NPHS1: variants seen among roughly 807,000 people sequenced by gnomAD.
NPHS1 encodes the protein NPHS1 adhesion molecule, nephrin.
A neutral mutation model predicts 139.7 loss-of-function variants in NPHS1; 107 were observed. That is an observed-to-expected ratio of 0.77 (90% CI 0.66 to 0.90). The LOEUF (loss-of-function observed/expected upper bound fraction) is 0.90. Among genes scored for constraint, NPHS1 ranks in the 40% least tolerant of loss-of-function variants. The pLI, the probability that NPHS1 is intolerant of heterozygous loss-of-function variation, is 0.00. For synonymous variants in NPHS1, 707 were observed against 706.6 expected, an observed-to-expected ratio of 1.00 and a Z score of -0.01; for missense variants, 1,580 against 1,654.2, an observed-to-expected ratio of 0.96 and a Z score of 0.78.
chr19:35,826,793 T>C, intron 28 of NPHS1, 148 bp from the exon 29 acceptor site: 1 of 852,162 alleles, frequency 1.2e-6, no homozygotes, highest in East Asian at 2.6e-5. Context: ...AAAAGGAGTG[T>C]GATTATAATG....
chr19:35,845,391 G>C lies in NPHS1; in HGVS notation c.1907C>G (p.Ser636Cys). The C allele has an allele frequency of 6.2e-7, 1 of 1,614,266 alleles. No homozygotes were observed. Among genetic ancestry groups the C allele is most frequent in the Non-Finnish European group, 8.5e-7 (1 of 1,180,052 alleles). The change falls in exon 14 of 29, where the codon TCC (serine) becomes TGC (cysteine). Residue 636 changes from serine (S) to cysteine (C), a missense_variant. Ser to Cys is a moderately radical substitution (Grantham distance 112). Coordinates refer to ENST00000378910, the MANE Select transcript of NPHS1 (RefSeq NM_004646.4). The surrounding 1 kb of genome is among the most constrained non-coding windows in gnomAD (Gnocchi z 5.5). ...ACACAGTACGTTGAGGCGATAGAAG[G>C]AGCTCACGGTTTCGCGGAGCTCGGC... ...HSAELRETVSSFYRLNVLYRP... is the reference protein window; with the variant it reads ...HSAELRETVSCFYRLNVLYRP...
Position 35,843,458 on chromosome 19 carries a change from G to C in NPHS1, c.2334+14C>G. On this transcript the variant is annotated intron_variant, in intron 17 of 28. Coordinates refer to ENST00000378910, the MANE Select transcript of NPHS1 (RefSeq NM_004646.4). ...CTTGACCCCACCTCTATTCACCAAA[G>C]GCTGGATCCTCACCAGTCTCTCCCA... The C allele has an allele frequency of 1.9e-6, 3 of 1,613,916 alleles. No homozygotes were observed. Among genetic ancestry groups the C allele is most frequent in the Non-Finnish European group, 2.5e-6 (3 of 1,179,862 alleles).
chr19:35,831,091 T>TG lies in NPHS1; in HGVS notation c.3442dup (p.Gln1148ProfsTer18). ...CACCTCCTCCTGCGTCGGGGGCAGC[T>TG]GGGGGCTGAAGTCCCTCAGGGAGCG... On this transcript the variant is annotated frameshift_variant, in exon 27 of 29. Coordinates refer to ENST00000378910, the MANE Select transcript of NPHS1 (RefSeq NM_004646.4). LOFTEE classifies it high-confidence loss of function. The TG allele has an allele frequency of 6.2e-7, 1 of 1,614,130 alleles. No individual in the cohort carries two copies. The highest frequency in any genetic ancestry group is 8.5e-7 in the Non-Finnish European group (1 of 1,180,016).
intron 14 of NPHS1, 46 bp from the exon 15 acceptor site, chr19:35,844,505 G>C: frequency 6.5e-7 from 1 of 1,539,386 alleles, no homozygotes; most frequent in South Asian, 1.2e-5. Flanking sequence ...GTTAAGGTTA[G>C]GGTCAAGGAC....
intron 19 of NPHS1, 106 bp downstream of exon 19, chr19:35,842,018 T>C (rs1470841898): frequency 4.1e-5 from 59 of 1,424,004 alleles, no homozygotes; most frequent in Non-Finnish European, 4.4e-5. Flanking sequence ...ACTCACTCAT[T>C]CCTCCACCCA....
intron 17 of NPHS1, 147 bp downstream of exon 17, chr19:35,843,325 C>A: frequency 9.6e-7 from 1 of 1,045,348 alleles, no homozygotes; most frequent in Non-Finnish European, 1.5e-6. Flanking sequence ...TTGCCACCAA[C>A]AGTTATTCAT....
intron 28 of NPHS1, 135 bp downstream of exon 28, chr19:35,830,709 G>A (rs780533543): frequency 1.3e-4 from 98 of 749,966 alleles, no homozygotes; most frequent in Non-Finnish European, 2.0e-4. Context: ...ATGCCCAGCC[G>A]ACTGTCTTTA....
At chr19:35,842,077 G>A in intron 19 of NPHS1, 47 bp downstream of exon 19, 5 of 1,574,844 alleles carry the variant, frequency 3.2e-6, no homozygotes, top group Non-Finnish European at 4.3e-6. Context: ...TGGGGCTGGA[G>A]GTCCAGACCT....
At position 35,839,274 on chromosome 19, in the gene NPHS1, C is replaced by T. The variant is rs2146816137; in HGVS notation, c.3072G>A (p.Leu1024=). The T allele has an allele frequency of 6.2e-7, 1 of 1,614,206 alleles. No homozygotes were observed. Among genetic ancestry groups the T allele is most frequent in the Non-Finnish European group, 8.5e-7 (1 of 1,180,034 alleles). The change falls in exon 22 of 29, where the codon CTG becomes CTA. Residue 1024 remains leucine, a synonymous_variant. Coordinates refer to ENST00000378910, the MANE Select transcript of NPHS1 (RefSeq NM_004646.4). ...TGGGAAGCTGGGTCCCTTTGTCAGC[C>T]AGTCCACTGTCCCCCAAGGCATTAC... ...LASNALGDSG[L]ADKGTQLPIT...
chr19:35,838,486 G>A (rs1468563951), intron 22 of NPHS1, among the ~76,000 whole-genome samples: 1 of 151,888 alleles, frequency 6.6e-6, no homozygotes, highest in Non-Finnish European at 1.5e-5. Flanking sequence ...CCGGGAGGCG[G>A]AGGTTGTAGT....
chr19:35,846,014 C>T lies in NPHS1; in HGVS notation c.1621G>A (p.Val541Met). The change falls in exon 12 of 29, where the codon GTG (valine) becomes ATG (methionine). Residue 541 changes from valine (V) to methionine (M), a missense_variant. Coordinates refer to ENST00000378910, the MANE Select transcript of NPHS1 (RefSeq NM_004646.4). ...CAGCAGTGCGAGCCCTCACACTGCA[C>T]CGCCAGCTGCGTGGACGCGCTGAGC... ...GQLSASTQLA[V>M]QFPPTNVTIL... is the part of the protein sequence containing the mutation. 1.3e-6 allele frequency: 2 copies of T among 1,578,466 alleles called. No individual in the cohort carries two copies. The highest frequency in any genetic ancestry group is 1.7e-6 in the Non-Finnish European group (2 of 1,162,320).
chr19:35,844,563 CG>C (rs1973109006), intron 14 of NPHS1, 104 bp from the exon 15 acceptor site: 2 of 1,268,456 alleles, frequency 1.6e-6, no homozygotes, highest in Non-Finnish European at 1.1e-6. Context: ...GGGGTCACGA[CG>C]GGGTTTAAGG....
Position 35,826,587 on chromosome 19 carries a change from T to C in NPHS1, c.3653A>G (p.Asp1218Gly). The change falls in exon 29 of 29, where the codon GAC becomes GGC. Residue 1218 changes from aspartate to glycine, a missense_variant. Asp to Gly is a moderately conservative substitution (Grantham distance 94). Coordinates refer to ENST00000378910, the MANE Select transcript of NPHS1 (RefSeq NM_004646.4). ...AGTGTCCAAGTCTCCGGCCACCTGG[T>C]CATAGATTCCTCTTGGATCCTGATA... is the stretch of plus-strand genomic sequence containing the variant. ...DTYQDPRGIY[D>G]QVAGDLDTLE... is the part of the protein sequence containing the mutation. The C allele has an allele frequency of 1.9e-6, 3 of 1,613,976 alleles. No individual in the cohort carries two copies. The highest frequency in any genetic ancestry group is 1.3e-5 in the African/African-American group (1 of 75,002).
At position 35,846,146 on chromosome 19, in the gene NPHS1, C is replaced by G. The variant is rs777157817; in HGVS notation, c.1489G>C (p.Val497Leu). The change falls in exon 12 of 29, where the codon GTG becomes CTG. Residue 497 changes from valine (V) to leucine (L), a missense_variant. Physicochemically the swap from Val to Leu is conservative, Grantham distance 32. Transcript: ENST00000378910. The part of the protein sequence containing the change: ...ESRLPQESRR[V>L]HLGSVEKSGS... ...GATTTCTCCACGCTGCCGAGATGCA[C>G]GCGCCGCGACTCCTGCGGCAGCCGC... The G allele has an allele frequency of 6.3e-7, 1 of 1,597,398 alleles. No homozygotes were observed. The highest frequency in any genetic ancestry group is 8.5e-7 in the Non-Finnish European group (1 of 1,173,484).
rs1246438421 is a variant in NPHS1, at chr19:35,848,283, A to C, written c.1285T>G (p.Phe429Val). The change falls in exon 10 of 29, where the codon TTC becomes GTC. Residue 429 changes from phenylalanine to valine, a missense_variant. Physicochemically the swap from Phe to Val is conservative, Grantham distance 50. Coordinates refer to ENST00000378910, the MANE Select transcript of NPHS1 (RefSeq NM_004646.4). ...ACGTTCAGGATGAGCGACTTCTTGA[A>C]GGTCTCCTTGGTGAAGGCTTCACTG... ...AFSEAFTKET[F>V]KKSLILNVKY... 6.2e-7 allele frequency: 1 copy of C among 1,614,138 alleles called. No homozygotes were observed.
At position 35,846,128 on chromosome 19, in the gene NPHS1, C is replaced by T. The variant is rs1188816058; in HGVS notation, c.1507G>A (p.Glu503Lys). 1.9e-6 allele frequency: 3 copies of T among 1,598,020 alleles called. No homozygotes were observed. The highest frequency in any genetic ancestry group is 2.7e-5 in the African/African-American group (2 of 74,754). Residue 503 changes from glutamate to lysine, a missense_variant, in exon 12 of 29, where the codon GAG becomes AAG. Glu to Lys is a moderately conservative substitution (Grantham distance 56). Transcript: ENST00000378910. ...ESRRVHLGSV[E>K]KSGSTFSREL... is the part of the protein sequence containing the mutation. ...CGGGAGAAGGTGCTCCCAGATTTCT[C>T]CACGCTGCCGAGATGCACGCGCCGC...
Position 35,851,951 on chromosome 19 carries a change from T to C in NPHS1, c.-114A>G. On this transcript the variant is annotated 5_prime_UTR_variant, in exon 1 of 29. Coordinates refer to ENST00000378910, the MANE Select transcript of NPHS1 (RefSeq NM_004646.4). ...CTGCCACCTGCTTTTCTTTTTTATC[T>C]CTTTCCGTTACTCTCCTCCCTTTCT... 1 of 859,134 alleles carries C rather than the reference T, an allele frequency of 1.2e-6. No individual in the cohort carries two copies. The highest frequency in any genetic ancestry group is 2.6e-5 in the East Asian group (1 of 37,764). The allele number at this position is 859,134 out of a possible 1,614,324, so 53.2% of individuals were successfully genotyped here.
At chr19:35,833,873 T>G (rs1972917107) in intron 23 of NPHS1, among the ~76,000 whole-genome samples, 1 of 152,002 alleles carries the variant, frequency 6.6e-6, no homozygotes, top group African/African-American at 2.4e-5. Context: ...ATTTTTTTTG[T>G]TTTTGTTTTA....
At chr19:35,841,392 A>G (rs1050408877) in intron 20 of NPHS1, among the ~76,000 whole-genome samples, 1 of 152,028 alleles carries the variant, frequency 6.6e-6, no homozygotes, top group Non-Finnish European at 1.5e-5. Flanking sequence ...CAACAACAAC[A>G]ACAACAACAA....
Sources: gnomAD v4.1 joint callset for allele counts (sites outside exome capture counted in the v4.1 genomes callset) on GRCh38, gnomAD v4.1.1 for gene constraint, Gnocchi (gnomAD v3.1) non-coding constraint, MANE v1.5 for transcripts, NCBI Gene and HGNC (gene_info 2026-07-23, HGNC 2026-07-21) for gene names.